Variants in SYNPO observed in about 807,000 individuals in gnomAD.
The protein encoded by SYNPO is synaptopodin.
In SYNPO, 19 loss-of-function variants were observed where a neutral mutation model predicts 49.5. The observed-to-expected ratio is 0.38, with a 90% CI of 0.27 to 0.56. The LOEUF is 0.56. SYNPO is among the 20% of genes least tolerant of loss of function. The probability of loss-of-function intolerance (pLI) is 0.68; values close to 1 mark genes in which losing one functional copy is unlikely to be tolerated. For synonymous variants in SYNPO, 536 were observed against 548.0 expected (o/e 0.98, Z 0.31); for missense variants, 1,131 against 1,248.3 (o/e 0.91, Z 1.42).
chr5:150,656,959 C>T lies in SYNPO; in HGVS notation c.2584C>T (p.Leu862Phe). The T allele has an allele frequency of 1.3e-6, 2 of 1,588,506 alleles. No homozygotes were observed. The highest frequency in any genetic ancestry group is 1.7e-6 in the Non-Finnish European group (2 of 1,168,338). Residue 862 changes from leucine (L) to phenylalanine (F), a missense_variant, in exon 3 of 3, where the codon CTC becomes TTC. Around this residue, in one of 4 missense-constraint regions of SYNPO, gnomAD observed 509 missense variants for 484.5 expected, o/e 1.05. Coordinates refer to ENST00000307662, the MANE Select transcript of SYNPO (RefSeq NM_007286.6). ...RRSPTDSDVS[L>F]DSEDSGAKSP... ...CTCGCCCACGGACTCCGACGTGTCC[C>T]TCGACTCCGAGGACTCCGGGGCTAA... is the stretch of plus-strand genomic sequence containing the variant.
chr5:150,605,996 C>T lies in SYNPO; in HGVS notation c.-266+4808C>T, dbSNP rs548219717. 3.3e-5 allele frequency among the ~76,000 whole-genome samples: 5 copies of T among 152,284 alleles called. No individual in the cohort carries two copies. In the South Asian group the frequency reaches 1.0e-3, roughly 32 times the overall value. On this transcript the variant is annotated intron_variant, in intron 1 of 2. Coordinates refer to the SYNPO transcript ENST00000394243. The stretch of plus-strand genomic sequence containing the variant: ...AAGAAACACAATTACACAGATTACA[C>T]ACAGACACATATATACAAAATGCCA...
At chr5:150,650,440 G>A in intron 2 of SYNPO, 137 bp downstream of exon 2, 1 of 1,545,094 alleles carries the variant, frequency 6.5e-7, no homozygotes, top group Non-Finnish European at 8.7e-7. Flanking sequence ...AGAATGGGGA[G>A]TCCATGGTTC....
intron 2 of SYNPO, among the ~76,000 whole-genome samples, chr5:150,625,841 A>C (rs1034887601): frequency 2.6e-5 from 4 of 152,214 alleles, no homozygotes; most frequent in Non-Finnish European, 5.9e-5. Context: ...AGTGGGAAGC[A>C]GCATGTGCCC....
chr5:150,614,706 A>G (rs1756938356), intron 1 of SYNPO: 1 of 152,204 alleles, frequency 6.6e-6, no homozygotes, highest in African/African-American at 2.4e-5. Flanking sequence ...GATGAGGGTC[A>G]TGAATCTGGG....
intron 2 of SYNPO, among the ~76,000 whole-genome samples, chr5:150,619,702 C>T (rs776113905): frequency 5.9e-5 from 9 of 152,234 alleles, no homozygotes; most frequent in Non-Finnish European, 8.8e-5. Context: ...GACACAGTCC[C>T]GGGAGGGCTT....
intron 1 of SYNPO, among the ~76,000 whole-genome samples, chr5:150,611,684 G>A (rs1239235188): frequency 5.3e-5 from 8 of 152,220 alleles, no homozygotes; most frequent in Admixed American, 5.2e-4. Flanking sequence ...GATACTGATG[G>A]CCGCTGAGGA....
chr5:150,627,794 G>C (rs1005451358), intron 2 of SYNPO, among the ~76,000 whole-genome samples: 3 of 152,108 alleles, frequency 2.0e-5, no homozygotes, highest in South Asian at 4.1e-4. Context: ...AAGCTGGGGT[G>C]GGGGAGGATT....
chr5:150,611,644 G>T (rs1400381233), intron 1 of SYNPO, among the ~76,000 whole-genome samples: 1 of 152,214 alleles, frequency 6.6e-6, no homozygotes, highest in Non-Finnish European at 1.5e-5. Flanking sequence ...AGGAGAAGGG[G>T]TCAGAGTAGG....
At chr5:150,601,416 C>T (rs1298553869) in intron 1 of SYNPO, among the ~76,000 whole-genome samples, 2 of 152,136 alleles carry the variant, frequency 1.3e-5, no homozygotes, top group Admixed American at 1.3e-4. Flanking sequence ...CGCCGCCAAG[C>T]CTGGGGCTTG....
At chr5:150,615,714 GGTGA>G (rs1043536885) in intron 1 of SYNPO, among the ~76,000 whole-genome samples, 9 of 152,242 alleles carry the variant, frequency 5.9e-5, no homozygotes, top group African/African-American at 1.9e-4. Flanking sequence ...GGCAGCAGCT[GGTGA>G]GTGAGAAAGC....
chr5:150,617,467 T>A (rs1757012662), intron 1 of SYNPO, among the ~76,000 whole-genome samples: 1 of 152,210 alleles, frequency 6.6e-6, no homozygotes, highest in Non-Finnish European at 1.5e-5. Context: ...AGCTAATTTT[T>A]GTATTTTTAG....
upstream of SYNPO, among the ~76,000 whole-genome samples, chr5:150,597,320 G>GTTGTTTTGTT (rs570975954): frequency 6.6e-6 from 1 of 152,116 alleles, no homozygotes; most frequent in African/African-American, 2.4e-5. Flanking sequence ...ATTTGGTTTT[G>GTTGTTTTGTT]TTGTTTTGTT....
At position 150,648,010 on chromosome 5, in the gene SYNPO, T is replaced by C; in HGVS notation, c.-266T>C. On this transcript the variant is annotated 5_prime_UTR_variant, in exon 2 of 3. Transcript: ENST00000307662. This position sits in a 1 kb window ranked among gnomAD's most constrained non-coding sequence, Gnocchi z 5.0. ...GAAGCCAAGGCGCGGAGCCAGCAGA[T>C]TGCAGCCCAGCTGACCACCCCTCCC... is the stretch of plus-strand genomic sequence containing the variant. 6.4e-7 allele frequency: 1 copy of C among 1,551,786 alleles called. No individual in the cohort carries two copies.
At chr5:150,645,404 G>C (rs1758053992) in intron 1 of SYNPO, among the ~76,000 whole-genome samples, 1 of 152,198 alleles carries the variant, frequency 6.6e-6, no homozygotes, top group Admixed American at 6.5e-5. Context: ...GTCACAGGCT[G>C]ATCCATCCAC....
At chr5:150,611,866 G>A (rs894360960) in intron 1 of SYNPO, among the ~76,000 whole-genome samples, 3 of 152,196 alleles carry the variant, frequency 2.0e-5, no homozygotes, top group Admixed American at 6.5e-5. Context: ...TGCTGCTACC[G>A]CTCCCACTAA....
At position 150,656,306 on chromosome 5, in the gene SYNPO, T is replaced by C. The variant is rs1481356006; in HGVS notation, c.2029-98T>C. Reference sequence around the variant, plus strand: ...TGACTTGGATCGGTGGCTTCCCTTCTCGGTGTAATGGACAAATCGGACTCC... The same window carrying C: ...TGACTTGGATCGGTGGCTTCCCTTCCCGGTGTAATGGACAAATCGGACTCC... On this transcript the variant is annotated intron_variant, in intron 2 of 2. Transcript: ENST00000307662. The C allele has an allele frequency of 2.9e-6, 3 of 1,021,314 alleles. No individual in the cohort carries two copies. In the Admixed American group the frequency reaches 9.1e-5, roughly 31 times the overall value. 63.3% of individuals were successfully genotyped at this position (1,021,314 alleles called of 1,614,324 possible).
intron 1 of SYNPO, among the ~76,000 whole-genome samples, chr5:150,604,501 G>A (rs536940894): frequency 6.6e-6 from 1 of 152,284 alleles, no homozygotes; most frequent in Non-Finnish European, 1.5e-5. Context: ...GTGTGTGGAA[G>A]TGGCAACAAT....
In SYNPO at chr5:150,632,006, G is replaced by C. The variant is rs567751560; in HGVS notation, c.400+13239G>C. Among the ~76,000 whole-genome samples the C allele has an allele frequency of 2.0e-4, 31 of 152,238 alleles. No homozygotes were observed. The East Asian group carries it at 6.0e-3, about 29-fold the overall frequency. On this transcript the variant is annotated intron_variant, in intron 2 of 2. Coordinates refer to the SYNPO transcript ENST00000394243. ...CTTCCACTGCCTGTAACGGCTGCCT[G>C]TCCCCTGTTCCATTCCAGGCACCAA...
chr5:150,591,592 TTACGTAA>T, the SYNPO span, among the ~76,000 whole-genome samples: 4,393 of 152,346 alleles, frequency 0.029, 198 homozygotes, highest in African/African-American at 0.1. Flanking sequence ...GTGATGTTAC[TTACGTAA>T]CAGTTTTCTT....
Sources: gnomAD v4.1 joint callset for allele counts (sites outside exome capture counted in the v4.1 genomes callset) on GRCh38, gnomAD v4.1.1 for gene constraint, gnomAD v4.1.1 regional missense constraint, Gnocchi (gnomAD v3.1) non-coding constraint, MANE v1.5 for transcripts, NCBI Gene and HGNC (gene_info 2026-07-23, HGNC 2026-07-21) for gene names.